CNTN3: variants seen among roughly 807,000 people sequenced by gnomAD.
CNTN3 encodes the protein contactin-3.
A neutral mutation model predicts 119.1 loss-of-function variants in CNTN3; 60 were observed. The ratio of observed to expected loss-of-function variants is 0.50; its 90% CI spans 0.41 to 0.62. CNTN3 has a LOEUF of 0.62. Among genes scored for constraint, CNTN3 ranks in the 20% least tolerant of loss-of-function variants. The pLI is 0.00. For synonymous variants in CNTN3, 450 were observed against 438.7 expected, an observed-to-expected ratio of 1.03 and a Z score of -0.32; for missense variants, 1,101 against 1,242.4, an observed-to-expected ratio of 0.89 and a Z score of 1.71.
At chr3:74,359,871 C>T (rs1002526121) in intron 11 of CNTN3, among the ~76,000 whole-genome samples, 15 of 152,020 alleles carry the variant, frequency 9.9e-5, no homozygotes, top group Non-Finnish European at 1.9e-4. Flanking sequence ...GTCATGAGTT[C>T]CATATGAAGA....
chr3:74,497,478 C>T (rs924995190), intron 3 of CNTN3, among the ~76,000 whole-genome samples: 1 of 151,844 alleles, frequency 6.6e-6, no homozygotes, highest in African/African-American at 2.4e-5. Context: ...CTTCTTAAAA[C>T]AGAGTCTGAT....
intron 4 of CNTN3, among the ~76,000 whole-genome samples, chr3:74,426,957 G>GAAACA (rs1264264920): frequency 6.6e-6 from 1 of 152,186 alleles, no homozygotes; most frequent in Non-Finnish European, 1.5e-5. Context: ...CAATTTCACA[G>GAAACA]TGTGGATGTT....
chr3:74,403,598 A>G (rs761032830), intron 5 of CNTN3, among the ~76,000 whole-genome samples: 20 of 152,174 alleles, frequency 1.3e-4, no homozygotes, highest in Non-Finnish European at 1.5e-4. Context: ...AACTTCCTCT[A>G]CAACATCCAC....
intron 13 of CNTN3, among the ~76,000 whole-genome samples, chr3:74,326,379 G>A (rs184576288): frequency 1.6e-4 from 25 of 152,134 alleles, no homozygotes; most frequent in African/African-American, 6.0e-4. Context: ...GCATTACAGT[G>A]TAATATTTAG....
At chr3:74,376,331 G>C (rs1480552731) in intron 5 of CNTN3, among the ~76,000 whole-genome samples, 1 of 152,168 alleles carries the variant, frequency 6.6e-6, no homozygotes, top group East Asian at 1.9e-4. Context: ...GAGCAAGCAA[G>C]CAAAGCTTCA....
At chr3:74,301,599 G>GAA (rs1250027336) in intron 15 of CNTN3, 48 bp downstream of exon 15, 24 of 1,612,004 alleles carry the variant, frequency 1.5e-5, no homozygotes, top group Non-Finnish European at 2.0e-5. Flanking sequence ...GCATTGACTT[G>GAA]AAATCCATTT....
intron 4 of CNTN3, among the ~76,000 whole-genome samples, chr3:74,461,669 T>A (rs1702370161): frequency 6.6e-6 from 1 of 152,092 alleles, no homozygotes; most frequent in African/African-American, 2.4e-5. Flanking sequence ...TCCTTTTGTA[T>A]CTACTTTGCA....
At chr3:74,404,509 T>G (rs552811621) in intron 5 of CNTN3, among the ~76,000 whole-genome samples, 1 of 152,236 alleles carries the variant, frequency 6.6e-6, no homozygotes, top group Non-Finnish European at 1.5e-5. Flanking sequence ...GAATGAAGTC[T>G]ATTTCCTTCT....
chr3:74,404,762 C>T (rs898315956), intron 5 of CNTN3, among the ~76,000 whole-genome samples: 3 of 151,672 alleles, frequency 2.0e-5, no homozygotes, highest in African/African-American at 7.3e-5. Context: ...TCATGCCCAC[C>T]ATGATACTGC....
At chr3:74,332,872 G>A (rs2106703696) in intron 13 of CNTN3, among the ~76,000 whole-genome samples, 1 of 152,296 alleles carries the variant, frequency 6.6e-6, no homozygotes, top group Admixed American at 6.5e-5. Context: ...TCCCAGATTG[G>A]GTAAAGGGTC....
At chr3:74,439,393 G>A (rs925508765) in intron 4 of CNTN3, among the ~76,000 whole-genome samples, 1 of 132,692 alleles carries the variant, frequency 7.5e-6, no homozygotes, top group Non-Finnish European at 1.7e-5. Context: ...TGTAATCCCA[G>A]CTACTCAGGA....
intron 20 of CNTN3, among the ~76,000 whole-genome samples, chr3:74,272,568 G>A (rs745325087): frequency 6.6e-6 from 1 of 152,164 alleles, no homozygotes; most frequent in Non-Finnish European, 1.5e-5. Flanking sequence ...TGATAGGCTT[G>A]TATTGCATTA....
At chr3:74,404,455 C>T (rs1458998476) in intron 5 of CNTN3, among the ~76,000 whole-genome samples, 1 of 152,058 alleles carries the variant, frequency 6.6e-6, no homozygotes. Context: ...CACTTCTATG[C>T]TTATCTCTCT....
chr3:74,442,556 C>T (rs1047103667), intron 4 of CNTN3, among the ~76,000 whole-genome samples: 1 of 152,022 alleles, frequency 6.6e-6, no homozygotes, highest in African/African-American at 2.4e-5. Context: ...ACCTAATTTT[C>T]TCTTACATGT....
chr3:74,365,108 G>A (rs1704158363), intron 9 of CNTN3, among the ~76,000 whole-genome samples: 1 of 152,020 alleles, frequency 6.6e-6, no homozygotes, highest in Non-Finnish European at 1.5e-5. Flanking sequence ...AATTGACTTA[G>A]TATACAAAAA....
chr3:74,267,522 A>T, intron 20 of CNTN3, 144 bp from the exon 21 acceptor site: 1 of 552,696 alleles, frequency 1.8e-6, no homozygotes, highest in South Asian at 2.7e-5. Context: ...TGAAATCAGA[A>T]AAAAATAACA....
At chr3:74,419,853 A>G (rs1045031845) in intron 5 of CNTN3, among the ~76,000 whole-genome samples, 36 of 152,208 alleles carry the variant, frequency 2.4e-4, no homozygotes, top group African/African-American at 8.7e-4. Context: ...AACTAGTCTT[A>G]TGACCTTACT....
intron 5 of CNTN3, among the ~76,000 whole-genome samples, chr3:74,424,168 G>C (rs927598903): frequency 1.3e-5 from 2 of 152,006 alleles, no homozygotes; most frequent in Non-Finnish European, 2.9e-5. Context: ...TTGCAATAGA[G>C]AGCACGATAG....
At chr3:74,514,655 T>C (rs1452607964) in intron 2 of CNTN3, among the ~76,000 whole-genome samples, 1 of 152,144 alleles carries the variant, frequency 6.6e-6, no homozygotes, top group African/African-American at 2.4e-5. Flanking sequence ...GGGATGCATG[T>C]GTAACTTGAT....
Sources: gnomAD v4.1 joint callset for allele counts (sites outside exome capture counted in the v4.1 genomes callset) on GRCh38, gnomAD v4.1.1 for gene constraint, MANE v1.5 for transcripts, NCBI Gene and HGNC (gene_info 2026-07-23, HGNC 2026-07-21) for gene names.